The following NELL2 variants were observed in gnomAD, a reference collection of about 807,000 sequenced individuals.
The protein encoded by NELL2 is neural EGFL like 2, also known as protein kinase C-binding protein NELL2.
NELL2 carries 41 observed loss-of-function variants against 109.6 expected under a neutral mutation model. The observed-to-expected ratio is 0.37, with a 90% CI of 0.29 to 0.49. The LOEUF (loss-of-function observed/expected upper bound fraction) is 0.49, where lower values mean the gene tolerates loss of function less well. Among genes scored for constraint, NELL2 ranks in the 20% least tolerant of loss-of-function variants. The pLI, the probability that NELL2 is intolerant of heterozygous loss-of-function variation, is 0.98. For synonymous variants in NELL2, 355 were observed against 344.7 expected (o/e 1.03, Z -0.33); for missense variants, 900 against 1,008.3 (o/e 0.89, Z 1.45).
chr12:44,749,324 CT>C (rs1257949951), intron 9 of NELL2, among the ~76,000 whole-genome samples: 1 of 152,098 alleles, frequency 6.6e-6, no homozygotes, highest in Non-Finnish European at 1.5e-5. Context: ...TATTCTTACC[CT>C]TTTTCTGAAG....
Position 44,794,280 on chromosome 12 carries a change from A to G in NELL2, c.336-14258T>C, listed in dbSNP as rs544877861. 3.0e-4 allele frequency among the ~76,000 whole-genome samples: 46 copies of G among 152,314 alleles called. 1 individual carries two copies. The highest frequency in any genetic ancestry group is 1.1e-3 in the African/African-American group (45 of 41,566). ...CTGACTTAAGAAAGCACTCAGAACA[A>G]TACTCAGTACATACAAAATACTCAG... On this transcript the variant is annotated intron_variant, in intron 3 of 19. Transcript: ENST00000429094.
intron 15 of NELL2, among the ~76,000 whole-genome samples, chr12:44,553,978 A>G (rs1336380412): frequency 6.6e-6 from 1 of 152,202 alleles, no homozygotes; most frequent in African/African-American, 2.4e-5. Flanking sequence ...GGGCTTAATT[A>G]GCCTCCAATA....
At chr12:44,889,811 A>G (rs773655500) in intron 1 of NELL2, among the ~76,000 whole-genome samples, 4 of 152,204 alleles carry the variant, frequency 2.6e-5, no homozygotes, top group Non-Finnish European at 5.9e-5. Flanking sequence ...CTAAGGCTAT[A>G]CGTAGTCCAC....
At chr12:44,660,993 C>T (rs1272581761) in intron 13 of NELL2, among the ~76,000 whole-genome samples, 1 of 152,064 alleles carries the variant, frequency 6.6e-6, no homozygotes, top group African/African-American at 2.4e-5. Context: ...CCTGAGGGTC[C>T]ACACGTGTCC....
At chr12:44,579,590 TAAAAC>T (rs1944250058) in intron 15 of NELL2, among the ~76,000 whole-genome samples, 1 of 152,184 alleles carries the variant, frequency 6.6e-6, no homozygotes. Flanking sequence ...GCTTACCACA[TAAAAC>T]AAATTTACTA....
chr12:44,880,156 G>A (rs965282861), upstream of NELL2, among the ~76,000 whole-genome samples: 16 of 143,502 alleles, frequency 1.1e-4, no homozygotes, highest in Admixed American at 4.9e-4. Context: ...GAGAGAGAGA[G>A]AAAAACAGAG....
chr12:44,708,011 C>T (rs563438405), intron 11 of NELL2, among the ~76,000 whole-genome samples: 1 of 152,166 alleles, frequency 6.6e-6, no homozygotes, highest in Admixed American at 6.5e-5. Flanking sequence ...GGAGGGCCAT[C>T]TAGTCAATAA....
At chr12:44,861,451 C>A (rs937131505) in intron 2 of NELL2, among the ~76,000 whole-genome samples, 4 of 152,086 alleles carry the variant, frequency 2.6e-5, no homozygotes, top group African/African-American at 9.7e-5. Flanking sequence ...TCAGCCCAAC[C>A]CCAGTAGCCT....
In NELL2 at chr12:44,514,724, T is replaced by C. The variant is rs1481828536; in HGVS notation, c.2400+5281A>G. On this transcript the variant is annotated intron_variant, in intron 19 of 19. Coordinates refer to ENST00000429094, the MANE Select transcript of NELL2 (RefSeq NM_001145108.2). ...AGCTATTACTATATGTGAATAAATA[T>C]AAAATATACCATTTTTCTTTTCTTA... Among the ~76,000 whole-genome samples, 6 of 151,380 alleles carry C rather than the reference T, an allele frequency of 4.0e-5. No homozygotes were observed. In the South Asian group the frequency reaches 1.2e-3, roughly 31 times the overall value.
chr12:44,897,221 AT>A (rs1413288034), intron 1 of NELL2, among the ~76,000 whole-genome samples: 14 of 152,178 alleles, frequency 9.2e-5, no homozygotes, highest in African/African-American at 3.4e-4. Flanking sequence ...TGATCATAAC[AT>A]TCTCGGAAAC....
chr12:44,544,226 A>G (rs1942699610), intron 15 of NELL2, among the ~76,000 whole-genome samples: 1 of 152,176 alleles, frequency 6.6e-6, no homozygotes, highest in Non-Finnish European at 1.5e-5. Flanking sequence ...TTAAATGAGT[A>G]TGAACAGGTG....
chr12:44,658,876 C>CAAAAAAAAAAAAAAAAAAA (rs758903947), intron 13 of NELL2, among the ~76,000 whole-genome samples: 1 of 97,614 alleles, frequency 1.0e-5, no homozygotes. Flanking sequence ...GACTCTGTCT[C>CAAAAAAAAAAAAAAAAAAA]CAAAAAAAAA....
At chr12:44,876,507 C>A, upstream of NELL2, 1 of 1,385,358 alleles carries the variant, frequency 7.2e-7, no homozygotes, top group South Asian at 1.7e-5. Flanking sequence ...CTCAGCTCTT[C>A]TCCCTCCCTC....
chr12:44,865,251 T>C (rs1387687305), intron 2 of NELL2, among the ~76,000 whole-genome samples: 1 of 132,506 alleles, frequency 7.5e-6, no homozygotes, highest in Non-Finnish European at 1.6e-5. Flanking sequence ...TTTGAGTTCA[T>C]TGTAGATTCT....
intron 2 of NELL2, among the ~76,000 whole-genome samples, chr12:44,852,846 C>T (rs1015965557): frequency 6.6e-6 from 1 of 152,046 alleles, no homozygotes; most frequent in Non-Finnish European, 1.5e-5. Flanking sequence ...GGAAATGCAA[C>T]CCAATTATTA....
chr12:44,830,447 T>C (rs1209473803), intron 2 of NELL2, among the ~76,000 whole-genome samples: 1 of 152,194 alleles, frequency 6.6e-6, no homozygotes, highest in Non-Finnish European at 1.5e-5. Flanking sequence ...TCATGATTAA[T>C]CACCCTATCA....
chr12:44,548,721 T>C (rs893198236), intron 15 of NELL2, among the ~76,000 whole-genome samples: 1 of 152,198 alleles, frequency 6.6e-6, no homozygotes, highest in Admixed American at 6.5e-5. Flanking sequence ...CAATTACTGG[T>C]TTGAAATTTA....
intron 15 of NELL2, among the ~76,000 whole-genome samples, chr12:44,601,169 T>C (rs1012665011): frequency 6.6e-6 from 1 of 152,102 alleles, no homozygotes; most frequent in Non-Finnish European, 1.5e-5. Flanking sequence ...TCCTCTTACA[T>C]TTTCTCCATG....
intron 15 of NELL2, among the ~76,000 whole-genome samples, chr12:44,566,957 G>A (rs1467281018): frequency 6.6e-6 from 1 of 151,826 alleles, no homozygotes; most frequent in African/African-American, 2.4e-5. Flanking sequence ...GATTACAAAC[G>A]TGCACCACCA....
Sources: allele counts gnomAD v4.1 joint callset (sites outside exome capture counted in the v4.1 genomes callset), GRCh38; gene constraint gnomAD v4.1.1; transcripts MANE v1.5; gene names NCBI Gene and HGNC (gene_info 2026-07-23, HGNC 2026-07-21).